ASIC2: variants seen among roughly 807,000 people sequenced by gnomAD.
ASIC2 encodes acid sensing ion channel subunit 2.
ASIC2 carries 25 observed loss-of-function variants against 57.3 expected under a neutral mutation model. That is an observed-to-expected ratio of 0.44 (90% CI 0.32 to 0.61). The LOEUF is 0.61. Among genes scored for constraint, ASIC2 ranks in the 20% least tolerant of loss-of-function variants. ASIC2 has a pLI of 0.06. For missense variants in ASIC2, 641 were observed against 738.1 expected (o/e 0.87, Z 1.52); for synonymous variants, 319 against 307.5 (o/e 1.04, Z -0.39).
At chr17:33,112,545 T>C (rs1049549468) in intron 1 of ASIC2, among the ~76,000 whole-genome samples, 2 of 152,100 alleles carry the variant, frequency 1.3e-5, no homozygotes, top group African/African-American at 4.8e-5. Context: ...CCCCACCCCA[T>C]TGGACAATTC....
intron 1 of ASIC2, among the ~76,000 whole-genome samples, chr17:33,482,085 C>T (rs1226116477): frequency 6.6e-6 from 1 of 152,222 alleles, no homozygotes; most frequent in African/African-American, 2.4e-5. Flanking sequence ...TTTCCTCCTC[C>T]AGTCCTCTCT....
At chr17:33,724,772 T>C (rs1172286028) in intron 1 of ASIC2, among the ~76,000 whole-genome samples, 2 of 152,036 alleles carry the variant, frequency 1.3e-5, no homozygotes, top group African/African-American at 4.8e-5. Context: ...GTTCAAGAGG[T>C]GGTTGACTAA....
chr17:33,668,882 C>T (rs1311911160), intron 1 of ASIC2, among the ~76,000 whole-genome samples: 2 of 152,172 alleles, frequency 1.3e-5, no homozygotes, highest in East Asian at 1.9e-4. Context: ...GTAAATTCCT[C>T]GTACCCTTCC....
chr17:33,096,794 C>T (rs1567743295), intron 2 of ASIC2, among the ~76,000 whole-genome samples: 1 of 152,114 alleles, frequency 6.6e-6, no homozygotes, highest in Admixed American at 6.5e-5. Context: ...GAGCAATGAG[C>T]CATGGGATGA....
rs375325874 is a variant in ASIC2 at position 33,080,080 on chromosome 17, G to A, written c.987+8783C>T. 8.7e-4 allele frequency among the ~76,000 whole-genome samples: 132 copies of A among 152,226 alleles called. 1 individual carries two copies. The highest frequency in any genetic ancestry group is 2.9e-3 in the African/African-American group (120 of 41,506). On this transcript the variant is annotated intron_variant, in intron 3 of 9. Coordinates refer to ENST00000225823, the MANE Select transcript of ASIC2 (RefSeq NM_183377.2). The stretch of plus-strand genomic sequence containing the variant: ...TCAGGAAAGAGGTCCAGGCTGGGGT[G>A]GCAGTCTGGGAATTATGGGAAAGGA...
intron 2 of ASIC2, among the ~76,000 whole-genome samples, chr17:33,109,300 CACAAGGGGTTAGTG>C (rs1256292611): frequency 6.6e-6 from 1 of 152,208 alleles, no homozygotes; most frequent in Non-Finnish European, 1.5e-5. Context: ...ACTTGATTGC[CACAAGGGGTTAGTG>C]ACTAATGTAT....
intron 1 of ASIC2, among the ~76,000 whole-genome samples, chr17:34,000,205 C>T (rs1208175524): frequency 1.3e-5 from 2 of 150,118 alleles, no homozygotes; most frequent in African/African-American, 4.9e-5. Flanking sequence ...TTCTCTTTGC[C>T]TTTGAATTTG....
At chr17:33,721,175 A>G (rs1386644120) in intron 1 of ASIC2, among the ~76,000 whole-genome samples, 1 of 152,190 alleles carries the variant, frequency 6.6e-6, no homozygotes, top group Admixed American at 6.5e-5. Flanking sequence ...GAGAAGAGCA[A>G]ATAACTTGTT....
chr17:33,335,497 T>A (rs1907477248), intron 1 of ASIC2, among the ~76,000 whole-genome samples: 1 of 152,056 alleles, frequency 6.6e-6, no homozygotes, highest in African/African-American at 2.4e-5. Context: ...GGGAGATGGG[T>A]TTCAAACCCA....
chr17:33,905,397 C>G (rs1292512406), intron 1 of ASIC2, among the ~76,000 whole-genome samples: 3 of 152,096 alleles, frequency 2.0e-5, no homozygotes, highest in Non-Finnish European at 4.4e-5. Context: ...TGATTTCAGA[C>G]AACTGGAAAA....
chr17:33,893,638 C>G (rs184384108), intron 1 of ASIC2, among the ~76,000 whole-genome samples: 2 of 152,294 alleles, frequency 1.3e-5, no homozygotes, highest in East Asian at 3.9e-4. Flanking sequence ...TGGGTATTCA[C>G]TATCCCAGGA....
intron 1 of ASIC2, among the ~76,000 whole-genome samples, chr17:33,473,232 G>A (rs989801883): frequency 6.6e-6 from 1 of 152,202 alleles, no homozygotes; most frequent in African/African-American, 2.4e-5. Flanking sequence ...CCATCTGTTC[G>A]GTTCCTTCTC....
intron 3 of ASIC2, among the ~76,000 whole-genome samples, chr17:33,033,030 G>A (rs2091891372): frequency 6.6e-6 from 1 of 152,168 alleles, no homozygotes; most frequent in Non-Finnish European, 1.5e-5. Context: ...AACACTTTGG[G>A]AGGCAAGGCC....
intron 1 of ASIC2, among the ~76,000 whole-genome samples, chr17:33,664,017 A>G (rs933577863): frequency 3.3e-5 from 5 of 152,064 alleles, no homozygotes; most frequent in African/African-American, 1.2e-4. Context: ...ATCCTGGGGT[A>G]TTTTCCAAGC....
rs536453480 is a variant in ASIC2 at position 34,052,989 on chromosome 17, C to T, written c.555+102989G>A. On this transcript the variant is annotated intron_variant, in intron 1 of 9. Transcript: ENST00000359872. ...TCCACCCTCCTTTCCTCTGACTATTCCAATTTTATACTTAGTTCTCATGCA... is the reference window on the plus strand; with the variant it reads ...TCCACCCTCCTTTCCTCTGACTATTTCAATTTTATACTTAGTTCTCATGCA... Among the ~76,000 whole-genome samples, 91 of 152,084 alleles carry T rather than the reference C, an allele frequency of 6.0e-4. 1 individual carries two copies. The highest frequency in any genetic ancestry group is 1.1e-3 in the Non-Finnish European group (74 of 67,992).
chr17:34,039,508 C>G (rs1175476352), intron 1 of ASIC2: 1 of 1,613,670 alleles, frequency 6.2e-7, no homozygotes, highest in Non-Finnish European at 8.5e-7. Flanking sequence ...TTCTACTCGT[C>G]GCGGTAAGGG....
chr17:33,531,481 G>T (rs1266527200), intron 1 of ASIC2, among the ~76,000 whole-genome samples: 1 of 152,168 alleles, frequency 6.6e-6, no homozygotes, highest in Non-Finnish European at 1.5e-5. Flanking sequence ...CCTTGCTCTT[G>T]CCATCTGGGG....
intron 1 of ASIC2, among the ~76,000 whole-genome samples, chr17:33,759,707 C>T (rs1489856356): frequency 6.6e-6 from 1 of 152,148 alleles, no homozygotes; most frequent in Non-Finnish European, 1.5e-5. Flanking sequence ...CTCCCTTCAC[C>T]CCCATGCAGT....
chr17:33,304,143 T>C (rs1268421293), intron 1 of ASIC2, among the ~76,000 whole-genome samples: 1 of 152,180 alleles, frequency 6.6e-6, no homozygotes, highest in Non-Finnish European at 1.5e-5. Flanking sequence ...CATCTGGAAA[T>C]TATGACACTT....
Sources: allele counts gnomAD v4.1 joint callset (sites outside exome capture counted in the v4.1 genomes callset), GRCh38; gene constraint gnomAD v4.1.1; transcripts MANE v1.5; gene names NCBI Gene and HGNC (gene_info 2026-07-23, HGNC 2026-07-21).